RCSD1: variants seen among roughly 807,000 people sequenced by gnomAD.
RCSD1 encodes RCSD domain containing 1, also known as capZ-interacting protein.
Under a neutral mutation model 42.5 loss-of-function variants are expected in RCSD1, and 26 were observed. That is an observed-to-expected ratio of 0.61 (90% confidence interval 0.45 to 0.85). The LOEUF is 0.85. Ranked by LOEUF, RCSD1 falls within the 40% of genes least tolerant of loss-of-function variation. The probability of loss-of-function intolerance (pLI) is 0.00; values close to 1 mark genes in which losing one functional copy is unlikely to be tolerated. For synonymous variants in RCSD1, 220 were observed against 212.2 expected, an observed-to-expected ratio of 1.04 and a Z score of -0.32; for missense variants, 571 against 528.3, an observed-to-expected ratio of 1.08 and a Z score of -0.79.
intron 6 of RCSD1, among the ~76,000 whole-genome samples, chr1:167,701,554 C>A (rs553184372): frequency 6.6e-6 from 1 of 152,070 alleles, no homozygotes; most frequent in African/African-American, 2.4e-5. Context: ...GATCTGCCCA[C>A]CTCAGCCTCC....
intron 1 of RCSD1, among the ~76,000 whole-genome samples, chr1:167,640,936 G>A (rs1309828981): frequency 6.6e-6 from 1 of 152,140 alleles, no homozygotes; most frequent in East Asian, 1.9e-4. Flanking sequence ...AGAACTTGGG[G>A]ATTGGAGGAG....
At chr1:167,639,457 G>A (rs1657950701) in intron 1 of RCSD1, among the ~76,000 whole-genome samples, 1 of 152,002 alleles carries the variant, frequency 6.6e-6, no homozygotes, top group Non-Finnish European at 1.5e-5. Flanking sequence ...GGGTGGGTAG[G>A]GAGAAGAACC....
intron 1 of RCSD1, among the ~76,000 whole-genome samples, chr1:167,667,208 TATACTAG>T (rs1658681920): frequency 6.6e-6 from 1 of 150,688 alleles, no homozygotes; most frequent in Admixed American, 6.6e-5. Context: ...GCCCTCTTGA[TATACTAG>T]AGACTGTGGA....
At chr1:167,675,962 C>A (rs1658941219) in intron 1 of RCSD1, among the ~76,000 whole-genome samples, 1 of 152,042 alleles carries the variant, frequency 6.6e-6, no homozygotes, top group African/African-American at 2.4e-5. Flanking sequence ...CCTAGGCATC[C>A]CTCAGAGTAT....
chr1:167,654,757 A>G (rs1401536462), intron 1 of RCSD1, among the ~76,000 whole-genome samples: 1 of 152,228 alleles, frequency 6.6e-6, no homozygotes, highest in Non-Finnish European at 1.5e-5. Context: ...TTAGGTAACC[A>G]TAATCTCTTC....
Position 167,690,206 on chromosome 1 carries a change from G to A in RCSD1, c.270+86G>A, listed in dbSNP as rs376761946. The A allele has an allele frequency of 4.9e-5, 61 of 1,232,464 alleles. No homozygotes were observed. The East Asian group carries it at 1.4e-3, about 28-fold the overall frequency. 76.3% of individuals were successfully genotyped at this position (1,232,464 alleles called of 1,614,324 possible). A position where few individuals can be genotyped will look rare whatever the true frequency, so the allele number is the denominator to read the frequency against. On this transcript the variant is annotated intron_variant, in intron 4 of 6. Transcript: ENST00000367854. Reference sequence around the variant, plus strand: ...TTTGCATGACTTTGAGGCTCATAGGGGTAGCCTATGTGTCACCTGCATAAT... The same window carrying A: ...TTTGCATGACTTTGAGGCTCATAGGAGTAGCCTATGTGTCACCTGCATAAT...
At chr1:167,666,807 G>A (rs745577656) in intron 1 of RCSD1, among the ~76,000 whole-genome samples, 14 of 152,198 alleles carry the variant, frequency 9.2e-5, no homozygotes, top group East Asian at 1.9e-4. Flanking sequence ...TCCAACCCAC[G>A]GCCCATTGGC....
In RCSD1 at chr1:167,686,743, C is replaced by G. The variant is rs535571844; in HGVS notation, c.198+1233C>G. Among the ~76,000 whole-genome samples, 30 of 152,364 alleles carry G rather than the reference C, an allele frequency of 2.0e-4. No individual in the cohort carries two copies. In the South Asian group the frequency reaches 6.2e-3, roughly 32 times the overall value. ...GTGACCAAACACATACCAACAACCT[C>G]TCTTTCCAGAGAATCAACTTCTCCT... On this transcript the variant is annotated intron_variant, in intron 3 of 6. Coordinates refer to ENST00000367854, the MANE Select transcript of RCSD1 (RefSeq NM_052862.4).
At position 167,697,406 on chromosome 1, in the gene RCSD1, G is replaced by A. The variant is rs1416852799; in HGVS notation, c.782G>A (p.Gly261Asp). 1 of 1,613,518 alleles carries A rather than the reference G, an allele frequency of 6.2e-7. No individual in the cohort carries two copies. The highest frequency in any genetic ancestry group is 2.2e-5 in the East Asian group (1 of 44,830). Residue 261 changes from glycine to aspartate, a missense_variant, in exon 6 of 7, where the codon GGT becomes GAT. Coordinates refer to ENST00000367854, the MANE Select transcript of RCSD1 (RefSeq NM_052862.4). ...EDRATEEAKN[G>D]EKARRSSEEV... ...AGGGCCACAGAGGAAGCCAAGAACG[G>A]TGAAAAGGCCAGGCGGAGTTCAGAG...
intron 1 of RCSD1, among the ~76,000 whole-genome samples, chr1:167,676,036 T>C (rs1275317770): frequency 6.6e-6 from 1 of 152,202 alleles, no homozygotes; most frequent in Non-Finnish European, 1.5e-5. Flanking sequence ...AAACACTTCC[T>C]ACATGCTAGG....
intron 1 of RCSD1, among the ~76,000 whole-genome samples, chr1:167,673,595 C>T (rs773309739): frequency 6.6e-6 from 1 of 152,192 alleles, no homozygotes; most frequent in Admixed American, 6.5e-5. Flanking sequence ...GAAACTGAGA[C>T]TCAAGAAATC....
intron 1 of RCSD1, among the ~76,000 whole-genome samples, chr1:167,647,466 G>C (rs1177992851): frequency 6.6e-6 from 1 of 151,858 alleles, no homozygotes. Context: ...TCTACCTGTA[G>C]TCCCAGTTAT....
At chr1:167,693,987 C>A in intron 4 of RCSD1, 112 bp from the exon 5 acceptor site, 1 of 937,732 alleles carries the variant, frequency 1.1e-6, no homozygotes, top group Non-Finnish European at 1.6e-6. Context: ...GCATGAAAAG[C>A]CTGGTGTTAC....
chr1:167,702,549 C>T (rs867472765), intron 6 of RCSD1, among the ~76,000 whole-genome samples: 38 of 152,240 alleles, frequency 2.5e-4, no homozygotes, highest in Middle Eastern at 6.8e-3. Flanking sequence ...GAGGCTGAGG[C>T]GGGCAGATCA....
intron 1 of RCSD1, among the ~76,000 whole-genome samples, chr1:167,666,516 G>A (rs1658661477): frequency 6.6e-6 from 1 of 152,276 alleles, no homozygotes; most frequent in African/African-American, 2.4e-5. Context: ...CTGAGTATGC[G>A]GATGATGCTA....
rs202237527 is a variant in RCSD1, at chr1:167,635,446, C to CCTAT, written c.6+5019_6+5022dup. 2.2e-3 allele frequency among the ~76,000 whole-genome samples: 329 copies of CCTAT among 152,256 alleles called. 4 individuals are homozygous for CCTAT. The highest frequency in any genetic ancestry group is 7.6e-3 in the African/African-American group (315 of 41,540). On this transcript the variant is annotated intron_variant, in intron 1 of 6. Transcript: ENST00000367854. ...GAGACTCTAAGGGCCCAGCCCAGGC[C>CCTAT]CTATCACAGGAGGGGGTGAATGTGC...
At chr1:167,647,217 A>G (rs1236183047) in intron 1 of RCSD1, among the ~76,000 whole-genome samples, 1 of 151,918 alleles carries the variant, frequency 6.6e-6, no homozygotes, top group Non-Finnish European at 1.5e-5. Flanking sequence ...AGTGTTAATC[A>G]GGCTGCAGGT....
At chr1:167,691,026 G>A (rs140749316) in intron 4 of RCSD1, among the ~76,000 whole-genome samples, 15 of 152,262 alleles carry the variant, frequency 9.9e-5, no homozygotes, top group African/African-American at 3.6e-4. Context: ...AAAAGGAGCT[G>A]ATGCCAGAGA....
chr1:167,634,541 G>C (rs1171579873), intron 1 of RCSD1, among the ~76,000 whole-genome samples: 1 of 152,210 alleles, frequency 6.6e-6, no homozygotes, highest in African/African-American at 2.4e-5. Flanking sequence ...CCAGAGGACA[G>C]AGGTGTGTAA....
Sources: gnomAD v4.1 joint callset for allele counts (sites outside exome capture counted in the v4.1 genomes callset) on GRCh38, gnomAD v4.1.1 for gene constraint, MANE v1.5 for transcripts, NCBI Gene and HGNC (gene_info 2026-07-23, HGNC 2026-07-21) for gene names.